The following SERPINB2 variants were observed in gnomAD, a reference collection of about 807,000 sequenced individuals.
SERPINB2 encodes serpin family B member 2.
In SERPINB2, 28 loss-of-function variants were observed where a neutral mutation model predicts 39.4. The ratio of observed to expected loss-of-function variants is 0.71; its 90% confidence interval spans 0.53 to 0.97. The LOEUF is 0.97. Among genes scored for constraint, SERPINB2 ranks in the 50% least tolerant of loss-of-function variants. The pLI, the probability that SERPINB2 is intolerant of heterozygous loss-of-function variation, is 0.00. For synonymous variants in SERPINB2, 209 were observed against 175.1 expected (o/e 1.19, Z -1.53); for missense variants, 557 against 505.3 (o/e 1.10, Z -0.98).
rs1599064935 is a variant in SERPINB2, at chr18:63,902,310, A to T, written c.679-94A>T. On this transcript the variant is annotated intron_variant, in intron 6 of 7. Transcript: ENST00000299502. ...GATTTAAAAAAATCACATTTATCCT[A>T]CACTAAAGTAGAACCAATCCTCCTT... The T allele has an allele frequency of 4.4e-6, 5 of 1,134,974 alleles. No homozygotes were observed. In the South Asian group the frequency reaches 7.6e-5, roughly 17 times the overall value. The allele number at this position is 1,134,974 out of a possible 1,614,324, so 70.3% of individuals were successfully genotyped here.
At chr18:63,894,868 C>A (rs187935580) in intron 2 of SERPINB2, among the ~76,000 whole-genome samples, 1 of 152,114 alleles carries the variant, frequency 6.6e-6, no homozygotes, top group East Asian at 1.9e-4. Context: ...GTGTATAAGG[C>A]CACTGAAAAG....
chr18:63,889,488 A>G (rs1237395443), intron 1 of SERPINB2, among the ~76,000 whole-genome samples: 2 of 152,222 alleles, frequency 1.3e-5, no homozygotes. Context: ...ATTGTTACAA[A>G]GAATCACGTA....
Position 63,901,754 on chromosome 18 carries a change from T to G in SERPINB2, c.550T>G (p.Leu184Val). Residue 184 changes from leucine to valine, a missense_variant, in exon 6 of 8, where the codon TTG (leucine) becomes GTG (valine). Leu to Val is a conservative substitution (Grantham distance 32). Transcript: ENST00000299502. ...KTQTKGKIPN[L>V]LPEGSVDGDT... ...GTTTTCTGTAGGCAAAATCCCAAACTTGTTACCTGAAGGTTCTGTAGATGG... is the reference window on the plus strand; with the variant it reads ...GTTTTCTGTAGGCAAAATCCCAAACGTGTTACCTGAAGGTTCTGTAGATGG... The G allele has an allele frequency of 6.4e-7, 1 of 1,552,058 alleles. No homozygotes were observed. Among genetic ancestry groups the G allele is most frequent in the Non-Finnish European group, 8.6e-7 (1 of 1,160,502 alleles).
At chr18:63,896,570 G>A (rs2049960737) in intron 3 of SERPINB2, among the ~76,000 whole-genome samples, 1 of 152,172 alleles carries the variant, frequency 6.6e-6, no homozygotes, top group Admixed American at 6.5e-5. Context: ...AATGATTACA[G>A]TCAAATTAAT....
chr18:63,902,081 G>A (rs1378848509), intron 6 of SERPINB2, among the ~76,000 whole-genome samples, 199 bp downstream of exon 6: 2 of 152,130 alleles, frequency 1.3e-5, no homozygotes, highest in African/African-American at 2.4e-5. Flanking sequence ...AGACTCCAAC[G>A]TTGGCTCTAC....
In SERPINB2 at chr18:63,902,567, T is replaced by A. The variant is rs1394762367; in HGVS notation, c.842T>A (p.Leu281Gln). ...EIADVSTGLELLESEITYDKL... is the reference protein window; with the variant it reads ...EIADVSTGLEQLESEITYDKL... ...GCCGATGTGTCCACTGGCTTGGAGC[T>A]GGTAAGACATTCAGATATTTAAGTT... Residue 281 changes from leucine to glutamine, a missense_variant and splice_region_variant, in exon 7 of 8, where the codon CTG (leucine) becomes CAG (glutamine). Leu to Gln is a moderately radical substitution (Grantham distance 113, BLOSUM62 -2). Transcript: ENST00000299502. 1 of 1,607,560 alleles carries A rather than the reference T, an allele frequency of 6.2e-7. No individual in the cohort carries two copies. Among genetic ancestry groups the A allele is most frequent in the East Asian group, 2.2e-5 (1 of 44,684 alleles).
chr18:63,889,297 T>G (rs2144692688), intron 1 of SERPINB2, among the ~76,000 whole-genome samples: 1 of 152,334 alleles, frequency 6.6e-6, no homozygotes, highest in African/African-American at 2.4e-5. Context: ...GAAACTATCT[T>G]TTTTGAAAGA....
chr18:63,895,276 A>G lies in SERPINB2; in HGVS notation c.181A>G (p.Asn61Asp), dbSNP rs2049951643. The G allele has an allele frequency of 1.2e-6, 2 of 1,613,896 alleles. No individual in the cohort carries two copies. Among genetic ancestry groups the G allele is most frequent in the East Asian group, 4.5e-5 (2 of 44,874 alleles). The change falls in exon 3 of 8, where the codon AAT (asparagine) becomes GAT (aspartate). Residue 61 changes from asparagine (N) to aspartate (D), a missense_variant. Asn to Asp is a conservative substitution (Grantham distance 23, BLOSUM62 1). Transcript: ENST00000299502. ...EDQMAKVLQF[N>D]EVGANAVTPM... ...ATTCTGATTGCAGGTGCTTCAGTTT[A>G]ATGAAGTGGGAGCCAATGCAGTTAC...
intron 4 of SERPINB2, 87 bp from the exon 5 acceptor site, chr18:63,897,640 T>C (rs1460075974): frequency 6.0e-6 from 6 of 1,001,828 alleles, no homozygotes; most frequent in Non-Finnish European, 9.5e-6. Context: ...GTCTCCTAAT[T>C]TCAATGGGAA....
rs745587184 is a variant in SERPINB2, at chr18:63,891,453, T to C, written c.9T>C (p.Asp3=). 91 of 1,614,012 alleles carry C rather than the reference T, an allele frequency of 5.6e-5. No individual in the cohort carries two copies. Among genetic ancestry groups the C allele is most frequent in the Non-Finnish European group, 6.9e-5 (81 of 1,180,012 alleles). ME[D]LCVANTLFAL... is the part of the protein sequence containing the mutation. ...GCTTCTAGATTGAAACAATGGAGGA[T>C]CTTTGTGTGGCAAACACACTCTTTG... Residue 3 remains aspartate, a synonymous_variant, in exon 2 of 8, where the codon GAT becomes GAC. Transcript: ENST00000299502.
chr18:63,898,576 G>A (rs9955420), intron 5 of SERPINB2, among the ~76,000 whole-genome samples: 43,525 of 151,928 alleles, frequency 0.29, 6,835 homozygotes, highest in East Asian at 0.48. Flanking sequence ...AACTATATGT[G>A]GAGATAAAGA....
chr18:63,897,599 A>G, intron 4 of SERPINB2, 128 bp from the exon 5 acceptor site: 1 of 775,888 alleles, frequency 1.3e-6, no homozygotes, highest in Middle Eastern at 2.7e-4. Flanking sequence ...CCTGCCTTCC[A>G]TAGCCAACCT....
chr18:63,902,804 A>G, intron 7 of SERPINB2, 97 bp from the exon 8 acceptor site: 1 of 1,306,632 alleles, frequency 7.7e-7, no homozygotes, highest in Non-Finnish European at 1.0e-6. Context: ...AATATAGTAA[A>G]GTCACTGATT....
rs538795168 is a variant in SERPINB2, at chr18:63,901,995, T to G, written c.678+113T>G. 5 of 1,011,570 alleles carry G rather than the reference T, an allele frequency of 4.9e-6. No individual in the cohort carries two copies. In the Admixed American group the frequency reaches 1.1e-4, roughly 22 times the overall value. 62.7% of individuals were successfully genotyped at this position (1,011,570 alleles called of 1,614,324 possible). A position where few individuals can be genotyped will look rare whatever the true frequency, so the allele number is the denominator to read the frequency against. On this transcript the variant is annotated intron_variant, in intron 6 of 7. Transcript: ENST00000299502. Reference sequence around the variant, plus strand: ...AGACTTGCTAGTTAGAAGTTATGCATGTTGGACAGTTGATTGACTCTTTAG... The same window carrying G: ...AGACTTGCTAGTTAGAAGTTATGCAGGTTGGACAGTTGATTGACTCTTTAG...
chr18:63,898,533 C>T (rs1031636489), intron 5 of SERPINB2, among the ~76,000 whole-genome samples: 8 of 152,118 alleles, frequency 5.3e-5, no homozygotes, highest in Non-Finnish European at 4.4e-5. Flanking sequence ...ACTTAGTCAA[C>T]AAATATTTAT....
chr18:63,897,906 T>C (rs1236095539), intron 5 of SERPINB2, 62 bp downstream of exon 5: 2 of 1,164,908 alleles, frequency 1.7e-6, no homozygotes, highest in Non-Finnish European at 2.5e-6. Flanking sequence ...TCTATCTTTT[T>C]CCATCCATGA....
In SERPINB2 at chr18:63,903,430, G is replaced by C. The variant is rs2050007777; in HGVS notation, c.*125G>C. On this transcript the variant is annotated 3_prime_UTR_variant, in exon 8 of 8. Coordinates refer to ENST00000299502, the MANE Select transcript of SERPINB2 (RefSeq NM_002575.3). The stretch of plus-strand genomic sequence containing the variant: ...ATTTCTGCTCTTCTGAACAACTTCT[G>C]CTACCCACTAAATAAAAACACAGAA... 3 of 838,346 alleles carry C rather than the reference G, an allele frequency of 3.6e-6. No individual in the cohort carries two copies. In the African/African-American group the frequency reaches 5.3e-5, roughly 15 times the overall value. The allele number at this position is 838,346 out of a possible 1,614,324, so 51.9% of individuals were successfully genotyped here. A position where few individuals can be genotyped will look rare whatever the true frequency, so the allele number is the denominator to read the frequency against.
chr18:63,902,809 C>T (rs894710083), intron 7 of SERPINB2, 92 bp from the exon 8 acceptor site: 3 of 1,345,340 alleles, frequency 2.2e-6, no homozygotes, highest in South Asian at 1.6e-5. Flanking sequence ...AGTAAAGTCA[C>T]TGATTTTTAA....
intron 5 of SERPINB2, among the ~76,000 whole-genome samples, chr18:63,901,220 A>G (rs184803685): frequency 6.6e-6 from 1 of 152,258 alleles, no homozygotes; most frequent in Admixed American, 6.5e-5. Context: ...TGTCTCCCCC[A>G]GTGTTCTAGG....
Sources: gnomAD v4.1 joint callset for allele counts (sites outside exome capture counted in the v4.1 genomes callset) on GRCh38, gnomAD v4.1.1 for gene constraint, MANE v1.5 for transcripts, NCBI Gene and HGNC (gene_info 2026-07-23, HGNC 2026-07-21) for gene names.